The following ATL3 variants were observed in gnomAD, a reference collection of about 807,000 sequenced individuals.
ATL3 encodes atlastin GTPase 3.
Under a neutral mutation model 69.5 loss-of-function variants are expected in ATL3, and 49 were observed. The ratio of observed to expected loss-of-function variants is 0.71; its 90% CI spans 0.56 to 0.89. The LOEUF (loss-of-function observed/expected upper bound fraction) is 0.89. ATL3 is among the 40% of genes least tolerant of loss of function. The pLI is 0.00. For missense variants in ATL3, 606 were observed against 645.7 expected (o/e 0.94, Z 0.67); for synonymous variants, 214 against 224.1 (o/e 0.95, Z 0.40).
chr11:63,666,776 T>C (rs1156704651), intron 1 of ATL3, among the ~76,000 whole-genome samples: 1 of 152,168 alleles, frequency 6.6e-6, no homozygotes, highest in African/African-American at 2.4e-5. Context: ...TATCTGTAAG[T>C]GGCAACTTTA....
At chr11:63,665,235 C>T (rs1161045687) in intron 1 of ATL3, among the ~76,000 whole-genome samples, 4 of 151,840 alleles carry the variant, frequency 2.6e-5, no homozygotes, top group African/African-American at 9.7e-5. Context: ...ATCCCAGCTA[C>T]TCGGGAGGCT....
chr11:63,659,913 G>A (rs1037434333), intron 1 of ATL3, among the ~76,000 whole-genome samples: 16 of 151,970 alleles, frequency 1.1e-4, no homozygotes, highest in African/African-American at 3.6e-4. Flanking sequence ...CTCCCACCTG[G>A]GTGACAGATA....
intron 3 of ATL3, among the ~76,000 whole-genome samples, chr11:63,657,118 GA>G (rs559065409): frequency 2.0e-5 from 3 of 150,392 alleles, no homozygotes; most frequent in Admixed American, 6.7e-5. Context: ...GCTGAGGCAG[GA>G]GAATTGCTTG....
intron 4 of ATL3, 28 bp downstream of exon 4, chr11:63,652,443 G>T: frequency 7.2e-7 from 1 of 1,389,540 alleles, no homozygotes; most frequent in Non-Finnish European, 9.8e-7. Flanking sequence ...TCCTTTGCGA[G>T]CTTTTTTCTG....
rs1426205099 is a variant in ATL3 at position 63,626,113 on chromosome 11, C to CTCA, written c.*3203_*3205dup. On this transcript the variant is annotated 3_prime_UTR_variant, in exon 13 of 13. Transcript: ENST00000398868. ...GGCATGACTCAGCTGGGCGGGGTGG[C>CTCA]TCATGCCTGTAATCCCAGCACTTTG... is the stretch of plus-strand genomic sequence containing the variant. 1 of 152,218 alleles carries CTCA rather than the reference C, an allele frequency of 6.6e-6. No individual in the cohort carries two copies. The allele number at this position is 152,218 out of a possible 1,614,324, so 9.4% of individuals were successfully genotyped here. A position where few individuals can be genotyped will look rare whatever the true frequency, so the allele number is the denominator to read the frequency against.
chr11:63,642,814 T>C (rs1445814670), intron 8 of ATL3, among the ~76,000 whole-genome samples: 1 of 152,180 alleles, frequency 6.6e-6, no homozygotes, highest in Non-Finnish European at 1.5e-5. Flanking sequence ...TTAACACATG[T>C]ATAAATTAAG....
intron 3 of ATL3, 45 bp from the exon 4 acceptor site, chr11:63,652,620 G>A: frequency 7.1e-7 from 1 of 1,412,362 alleles, no homozygotes; most frequent in Non-Finnish European, 9.9e-7. Flanking sequence ...AACTAAGAAG[G>A]AGGAAACCGT....
At chr11:63,644,433 A>C (rs1450973728) in intron 6 of ATL3, among the ~76,000 whole-genome samples, 172 bp from the exon 7 acceptor site, 2 of 148,520 alleles carry the variant, frequency 1.3e-5, no homozygotes, top group East Asian at 2.0e-4. Flanking sequence ...TCCGTCACTA[A>C]GGCTAGAGTG....
intron 8 of ATL3, among the ~76,000 whole-genome samples, chr11:63,637,210 A>G (rs969055562): frequency 3.3e-5 from 5 of 151,136 alleles, no homozygotes; most frequent in African/African-American, 1.2e-4. Context: ...CGGAAGGCAG[A>G]GGTTGCAGTG....
At position 63,650,657 on chromosome 11, in the gene ATL3, T is replaced by C. The variant is rs146617911; in HGVS notation, c.561+1279A>G. The C allele has an allele frequency of 2.4e-3, 364 of 152,338 alleles. 4 individuals are homozygous for C. The highest frequency in any genetic ancestry group is 7.6e-3 in the African/African-American group (314 of 41,582). The allele number at this position is 152,338 out of a possible 1,614,324, so 9.4% of individuals were successfully genotyped here. A position where few individuals can be genotyped will look rare whatever the true frequency, so the allele number is the denominator to read the frequency against. On this transcript the variant is annotated intron_variant, in intron 5 of 12. Coordinates refer to ENST00000398868, the MANE Select transcript of ATL3 (RefSeq NM_015459.5). ...ACTTCTTATGGGTTGAATTGTGTCC[T>C]GAAGAAAAATATGCTAAAGTCCTCG... is the stretch of plus-strand genomic sequence containing the variant.
At position 63,636,339 on chromosome 11, in the gene ATL3, T is replaced by C; in HGVS notation, c.851-5A>G. On this transcript the variant is annotated splice_polypyrimidine_tract_variant and splice_region_variant and intron_variant, in intron 8 of 12. Coordinates refer to ENST00000398868, the MANE Select transcript of ATL3 (RefSeq NM_015459.5). ...CTTTGAATTCACCAGCAATATCTGTTCACAGGACGACAAAGAAGGGAAAAA... is the reference window on the plus strand; with the variant it reads ...CTTTGAATTCACCAGCAATATCTGTCCACAGGACGACAAAGAAGGGAAAAA... 1 of 1,613,844 alleles carries C rather than the reference T, an allele frequency of 6.2e-7. No individual in the cohort carries two copies. Among genetic ancestry groups the C allele is most frequent in the South Asian group, 1.1e-5 (1 of 90,996 alleles).
chr11:63,660,469 T>C (rs1013601109), intron 1 of ATL3, among the ~76,000 whole-genome samples: 1 of 152,220 alleles, frequency 6.6e-6, no homozygotes, highest in Non-Finnish European at 1.5e-5. Context: ...CACATTCTGA[T>C]AGGAGCACAA....
Position 63,645,994 on chromosome 11 carries a change from C to T in ATL3, c.618+513G>A, listed in dbSNP as rs1169413286. On this transcript the variant is annotated intron_variant, in intron 6 of 12. Transcript: ENST00000398868. ...GGCCAAGCTGGTCTCGAACTCTTGA[C>T]CTCAGGTGATCTGCCTGCTTTGGCC... is the stretch of plus-strand genomic sequence containing the variant. 3.9e-5 allele frequency among the ~76,000 whole-genome samples: 6 copies of T among 152,156 alleles called. No individual in the cohort carries two copies. The East Asian group carries it at 9.7e-4, about 25-fold the overall frequency.
In ATL3 at chr11:63,644,426, G is replaced by A. The variant is rs12275497; in HGVS notation, c.619-165C>T. On this transcript the variant is annotated intron_variant, in intron 6 of 12. Coordinates refer to ENST00000398868, the MANE Select transcript of ATL3 (RefSeq NM_015459.5). ...TTTTAAAGAGATTGGGCCTTGCTCC[G>A]TCACTAAGGCTAGAGTGCAGTGGCA... 0.012 allele frequency among the ~76,000 whole-genome samples: 1,653 copies of A among 136,106 alleles called. 37 individuals carry two copies. Among genetic ancestry groups the A allele is most frequent in the African/African-American group, 0.044 (1,576 of 35,758 alleles). The allele number at this position is 136,106 out of a possible 152,430, so 89.3% of individuals were successfully genotyped here. A position where few individuals can be genotyped will look rare whatever the true frequency, so the allele number is the denominator to read the frequency against.
intron 10 of ATL3, among the ~76,000 whole-genome samples, chr11:63,635,185 T>C (rs986918408): frequency 1.3e-5 from 2 of 151,888 alleles, no homozygotes; most frequent in African/African-American, 2.4e-5. Context: ...TTAGAAATTA[T>C]ATAAAAATAA....
At position 63,646,490 on chromosome 11, in the gene ATL3, AAAAT is replaced by A. The variant is rs56167522; in HGVS notation, c.618+13_618+16del. 1,261,265 of 1,505,260 alleles carry A rather than the reference AAAAT, an allele frequency of 0.84. 535,104 individuals are homozygous for A. The highest frequency in any genetic ancestry group is 1 in the East Asian group (43,931 of 44,044). 93.2% of individuals were successfully genotyped at this position (1,505,260 alleles called of 1,614,324 possible). A position where few individuals can be genotyped will look rare whatever the true frequency, so the allele number is the denominator to read the frequency against. On this transcript the variant is annotated intron_variant, in intron 6 of 12. Coordinates refer to ENST00000398868, the MANE Select transcript of ATL3 (RefSeq NM_015459.5). ...AAAAACAAAGGTATGAATTATATTT[AAAAT>A]AAATATTCTAACCTGGAAAGGCTTT...
chr11:63,659,455 C>T (rs914860581), intron 1 of ATL3, among the ~76,000 whole-genome samples: 3 of 151,946 alleles, frequency 2.0e-5, no homozygotes, highest in African/African-American at 7.3e-5. Flanking sequence ...TGAAACCCAG[C>T]GCTATGAAAT....
chr11:63,636,104 C>G, intron 9 of ATL3, 103 bp downstream of exon 9: 2 of 1,472,978 alleles, frequency 1.4e-6, no homozygotes, highest in Non-Finnish European at 9.1e-7. Flanking sequence ...CCATCTCCCC[C>G]AGAAAATTTT....
At chr11:63,665,088 T>C (rs771781193) in intron 1 of ATL3, among the ~76,000 whole-genome samples, 1 of 152,140 alleles carries the variant, frequency 6.6e-6, no homozygotes, top group Non-Finnish European at 1.5e-5. Flanking sequence ...GGCTCATGCC[T>C]GTCAATCCCA....
Sources: gnomAD v4.1 joint callset for allele counts (sites outside exome capture counted in the v4.1 genomes callset) on GRCh38, gnomAD v4.1.1 for gene constraint, MANE v1.5 for transcripts, NCBI Gene and HGNC (gene_info 2026-07-23, HGNC 2026-07-21) for gene names.